The following CRYBG1 variants were observed in gnomAD, a reference collection of about 807,000 sequenced individuals.
CRYBG1 encodes crystallin beta-gamma domain containing 1.
In CRYBG1, 139 loss-of-function variants were observed where a neutral mutation model predicts 189.2. The ratio of observed to expected loss-of-function variants is 0.73; its 90% CI spans 0.64 to 0.85. The LOEUF (loss-of-function observed/expected upper bound fraction) is 0.85, where lower values mean the gene tolerates loss of function less well. CRYBG1 is among the 40% of genes least tolerant of loss of function. The probability of loss-of-function intolerance (pLI) is 0.00; values close to 1 mark genes in which losing one functional copy is unlikely to be tolerated. For missense variants in CRYBG1, 2,611 were observed against 2,675.8 expected (o/e 0.98, Z 0.53); for synonymous variants, 1,023 against 1,017.1 (o/e 1.01, Z -0.11).
rs545184597 is a variant in CRYBG1, at chr6:106,527,463, T to C, written c.4571T>C (p.Val1524Ala). Residue 1524 changes from valine (V) to alanine (A), a missense_variant, in exon 7 of 22, where the codon GTG (valine) becomes GCG (alanine). Transcript: ENST00000633556. The stretch of plus-strand genomic sequence containing the variant: ...GTGGTGATTGGTTCCATCAGACATG[T>C]GGTTCAGGTAGGTTGTGGTAAATAT... ...KPVVIGSIRH[V>A]VQDYRVSHID... 6.2e-7 allele frequency: 1 copy of C among 1,610,280 alleles called. No individual in the cohort carries two copies. Among genetic ancestry groups the C allele is most frequent in the South Asian group, 1.1e-5 (1 of 90,514 alleles).
chr6:106,471,257 C>A (rs948024782), intron 2 of CRYBG1, among the ~76,000 whole-genome samples: 2 of 152,138 alleles, frequency 1.3e-5, no homozygotes, highest in Non-Finnish European at 1.5e-5. Flanking sequence ...TGCAACTTGG[C>A]CTTCCCTTCC....
intron 1 of CRYBG1, among the ~76,000 whole-genome samples, chr6:106,388,074 TTGACTC>T (rs1770424528): frequency 6.6e-6 from 1 of 152,196 alleles, no homozygotes; most frequent in Admixed American, 6.5e-5. Flanking sequence ...GGCACTCCCT[TTGACTC>T]TGAGCAGATC....
At chr6:106,553,384 C>T (rs1407880338) in intron 15 of CRYBG1, 71 bp from the exon 16 acceptor site, 3 of 1,023,932 alleles carry the variant, frequency 2.9e-6, no homozygotes, top group Non-Finnish European at 1.5e-6. Flanking sequence ...TTTAGGTCAT[C>T]ATTTCAAAGG....
At chr6:106,477,700 G>A (rs573474891) in intron 2 of CRYBG1, among the ~76,000 whole-genome samples, 4 of 152,348 alleles carry the variant, frequency 2.6e-5, no homozygotes, top group Non-Finnish European at 4.4e-5. Flanking sequence ...CATGGACAAC[G>A]GTTCCGTTCG....
chr6:106,502,601 C>T (rs980438476), intron 2 of CRYBG1, among the ~76,000 whole-genome samples: 10 of 152,096 alleles, frequency 6.6e-5, no homozygotes, highest in African/African-American at 1.9e-4. Flanking sequence ...TTAATTCAGC[C>T]GGATAGCTTT....
At chr6:106,497,385 T>A (rs1772874739) in intron 2 of CRYBG1, among the ~76,000 whole-genome samples, 1 of 152,168 alleles carries the variant, frequency 6.6e-6, no homozygotes, top group South Asian at 2.1e-4. Context: ...GATGTGGCTT[T>A]TTGGGCTCTC....
chr6:106,425,096 A>G (rs1771201513), intron 1 of CRYBG1, among the ~76,000 whole-genome samples: 1 of 151,994 alleles, frequency 6.6e-6, no homozygotes, highest in Non-Finnish European at 1.5e-5. Flanking sequence ...CCCAGTGGAG[A>G]AAGAGGTATT....
chr6:106,403,086 G>A (rs71572299), intron 1 of CRYBG1, among the ~76,000 whole-genome samples: 2,888 of 152,246 alleles, frequency 0.019, 37 homozygotes, highest in Middle Eastern at 0.058. Context: ...CTGTAATCAC[G>A]CCTTGGGAGG....
At chr6:106,462,461 T>G (rs1772034484) in intron 2 of CRYBG1, among the ~76,000 whole-genome samples, 1 of 152,184 alleles carries the variant, frequency 6.6e-6, no homozygotes, top group African/African-American at 2.4e-5. Context: ...GCCCGGCCTT[T>G]TCTGAGTTTT....
At chr6:106,400,873 G>T (rs1180195269) in intron 1 of CRYBG1, among the ~76,000 whole-genome samples, 3 of 152,176 alleles carry the variant, frequency 2.0e-5, no homozygotes. Flanking sequence ...CAAAGTAGGT[G>T]CAAGATCGTA....
intron 1 of CRYBG1, among the ~76,000 whole-genome samples, chr6:106,374,563 C>T (rs556850016): frequency 2.0e-5 from 3 of 152,084 alleles, no homozygotes; most frequent in African/African-American, 7.2e-5. Context: ...TCGCTGAAAA[C>T]AAACAAATAT....
chr6:106,393,614 G>A (rs1003532071), intron 1 of CRYBG1, among the ~76,000 whole-genome samples: 10 of 151,330 alleles, frequency 6.6e-5, no homozygotes, highest in South Asian at 2.1e-4. Flanking sequence ...CTTTGTTGAC[G>A]TCTTCCATTT....
rs551642650 is a variant in CRYBG1, at chr6:106,514,244, T to G, written c.1922+1205T>G. 2.3e-4 allele frequency among the ~76,000 whole-genome samples: 35 copies of G among 152,304 alleles called. No individual in the cohort carries two copies. The South Asian group carries it at 3.7e-3, about 16-fold the overall frequency. ...TCTCACACTTCTGCTCCCTCACCAC[T>G]CCCACTTAGCACAGGTGAATAATGA... On this transcript the variant is annotated intron_variant, in intron 3 of 21. Transcript: ENST00000633556.
chr6:106,458,710 T>TA (rs971201762), intron 2 of CRYBG1, among the ~76,000 whole-genome samples: 20 of 152,146 alleles, frequency 1.3e-4, no homozygotes, highest in African/African-American at 4.8e-4. Flanking sequence ...TCTCACCAAA[T>TA]ACAAACACAT....
At chr6:106,495,177 C>T (rs1021727171) in intron 2 of CRYBG1, among the ~76,000 whole-genome samples, 8 of 152,192 alleles carry the variant, frequency 5.3e-5, no homozygotes, top group Admixed American at 4.6e-4. Context: ...CTTTTCACAT[C>T]AACAGTCAGT....
rs546180090 is a variant in CRYBG1 at position 106,515,897 on chromosome 6, G to A, written c.1922+2858G>A. Among the ~76,000 whole-genome samples the A allele has an allele frequency of 6.6e-5, 10 of 151,186 alleles. No individual in the cohort carries two copies. In the East Asian group the frequency reaches 1.8e-3, roughly 27 times the overall value. The stretch of plus-strand genomic sequence containing the variant: ...AGTCTCGACCTCCCCCGGCTCAGGT[G>A]ATCCTCCCACCTCAGCCTCCCTAGT... On this transcript the variant is annotated intron_variant, in intron 3 of 21. Transcript: ENST00000633556.
chr6:106,478,147 AATCCCTCGTAT>A (rs1472205757), intron 2 of CRYBG1, among the ~76,000 whole-genome samples: 1 of 152,222 alleles, frequency 6.6e-6, no homozygotes, highest in Non-Finnish European at 1.5e-5. Context: ...ATTTCAGGAT[AATCCCTCGTAT>A]CCTTCAACCC....
chr6:106,571,740 C>A lies in CRYBG1; in HGVS notation c.*3174C>A. The A allele has an allele frequency of 2.5e-6, 1 of 397,788 alleles. No individual in the cohort carries two copies. The highest frequency in any genetic ancestry group is 4.9e-5 in the East Asian group (1 of 20,204). The allele number at this position is 397,788 out of a possible 1,614,324, so 24.6% of individuals were successfully genotyped here. A position where few individuals can be genotyped will look rare whatever the true frequency, so the allele number is the denominator to read the frequency against. The stretch of plus-strand genomic sequence containing the variant: ...GTTTAAGCTAGTAAAACAGAAGGTG[C>A]CACAACAACCTGCAAAGCCAGTGTG... On this transcript the variant is annotated 3_prime_UTR_variant, in exon 22 of 22. Transcript: ENST00000633556.
At chr6:106,400,574 A>G (rs1000729133) in intron 1 of CRYBG1, among the ~76,000 whole-genome samples, 1 of 152,248 alleles carries the variant, frequency 6.6e-6, no homozygotes, top group Admixed American at 6.5e-5. Flanking sequence ...AGGAAACTGA[A>G]TGACTTAACA....
Sources: gnomAD v4.1 joint callset for allele counts (sites outside exome capture counted in the v4.1 genomes callset) on GRCh38, gnomAD v4.1.1 for gene constraint, MANE v1.5 for transcripts, NCBI Gene and HGNC (gene_info 2026-07-23, HGNC 2026-07-21) for gene names.